The following CNBD1 variants were observed in gnomAD, a reference collection of about 807,000 sequenced individuals.
CNBD1 encodes cyclic nucleotide-binding domain-containing protein 1.
In CNBD1, 71 loss-of-function variants were observed where a neutral mutation model predicts 54.4. That is an observed-to-expected ratio of 1.30 (90% confidence interval 1.08 to 1.59). The LOEUF (loss-of-function observed/expected upper bound fraction) is 1.59, where lower values mean the gene tolerates loss of function less well. Ranked by LOEUF, CNBD1 falls within the 40% of genes most tolerant of loss-of-function variation. CNBD1 has a pLI of 0.00. For synonymous variants in CNBD1, 182 were observed against 170.7 expected, an observed-to-expected ratio of 1.07 and a Z score of -0.51; for missense variants, 659 against 518.0, an observed-to-expected ratio of 1.27 and a Z score of -2.64.
chr8:87,139,791 G>T (rs1278768685), intron 4 of CNBD1, among the ~76,000 whole-genome samples: 1 of 152,190 alleles, frequency 6.6e-6, no homozygotes, highest in African/African-American at 2.4e-5. Context: ...TTGTAAGACA[G>T]CCTCTCCTCT....
At chr8:87,102,663 G>A (rs1040662759) in intron 4 of CNBD1, among the ~76,000 whole-genome samples, 1 of 152,248 alleles carries the variant, frequency 6.6e-6, no homozygotes, top group South Asian at 2.1e-4. Context: ...GCCCAGGCTG[G>A]AGTGCAGTGG....
chr8:86,995,991 G>A (rs1284679710), intron 4 of CNBD1, among the ~76,000 whole-genome samples: 1 of 152,096 alleles, frequency 6.6e-6, no homozygotes, highest in African/African-American at 2.4e-5. Flanking sequence ...ATTAAGACCT[G>A]CCATGATTTC....
At chr8:87,343,877 TC>T (rs1810116950) in intron 8 of CNBD1, among the ~76,000 whole-genome samples, 1 of 152,136 alleles carries the variant, frequency 6.6e-6, no homozygotes, top group Non-Finnish European at 1.5e-5. Context: ...CTGATTTTTT[TC>T]CTAAGAAAAT....
At position 87,342,130 on chromosome 8, in the gene CNBD1, G is replaced by A. The variant is rs144276206; in HGVS notation, c.1043-9555G>A. Among the ~76,000 whole-genome samples, 1,326 of 152,154 alleles carry A rather than the reference G, an allele frequency of 8.7e-3. 8 individuals are homozygous for A. The highest frequency in any genetic ancestry group is 0.03 in the African/African-American group (1,229 of 41,518). ...CTACTAAAAATACAAAAAATTAGCC[G>A]GGCATGGTGGCAGGCATCTGTAGTC... On this transcript the variant is annotated intron_variant, in intron 8 of 10. Transcript: ENST00000518476.
intron 10 of CNBD1, among the ~76,000 whole-genome samples, chr8:87,360,961 C>G (rs1810513602): frequency 6.6e-6 from 1 of 151,872 alleles, no homozygotes; most frequent in Non-Finnish European, 1.5e-5. Flanking sequence ...TATTCAAAAA[C>G]TTCTTCCCAA....
chr8:87,143,125 T>A (rs1017582956), intron 4 of CNBD1, among the ~76,000 whole-genome samples: 1 of 152,160 alleles, frequency 6.6e-6, no homozygotes, highest in Admixed American at 6.5e-5. Context: ...TCATCCTAGC[T>A]CCACTAGAAA....
intron 4 of CNBD1, among the ~76,000 whole-genome samples, chr8:87,115,977 T>TG (rs1811759439): frequency 6.6e-6 from 1 of 152,130 alleles, no homozygotes; most frequent in South Asian, 2.1e-4. Context: ...TCCTAACCTA[T>TG]GAAACTCAAA....
chr8:87,031,938 A>C (rs1251334477), intron 4 of CNBD1, among the ~76,000 whole-genome samples: 1 of 152,038 alleles, frequency 6.6e-6, no homozygotes, highest in Non-Finnish European at 1.5e-5. Context: ...ACAGGGTTTC[A>C]TCATGTTGGC....
rs183286904 is a variant in CNBD1 at position 86,997,057 on chromosome 8, G to T, written c.431+57303G>T. On this transcript the variant is annotated intron_variant, in intron 4 of 10. Coordinates refer to ENST00000518476, the MANE Select transcript of CNBD1 (RefSeq NM_173538.3). The stretch of plus-strand genomic sequence containing the variant: ...CTAATCCCATCATCTTGAAGATTAG[G>T]TTTTAGATTATTTATTTGGAGGGGA... Among the ~76,000 whole-genome samples, 5 of 152,224 alleles carry T rather than the reference G, an allele frequency of 3.3e-5. No homozygotes were observed. In the East Asian group the frequency reaches 5.8e-4, roughly 18 times the overall value.
intron 4 of CNBD1, among the ~76,000 whole-genome samples, chr8:87,029,806 G>C (rs1192379725): frequency 6.6e-6 from 1 of 151,856 alleles, no homozygotes; most frequent in African/African-American, 2.4e-5. Context: ...TAGATTTTTG[G>C]TGTGATTGTC....
intron 4 of CNBD1, among the ~76,000 whole-genome samples, chr8:87,072,093 T>C (rs751331598): frequency 6.6e-6 from 1 of 152,216 alleles, no homozygotes; most frequent in African/African-American, 2.4e-5. Context: ...TTGACATTTA[T>C]TGGTTTGAAA....
In CNBD1 at chr8:87,195,165, G is replaced by A. The variant is rs969421004; in HGVS notation, c.432-10828G>A. On this transcript the variant is annotated intron_variant, in intron 4 of 10. Coordinates refer to ENST00000518476, the MANE Select transcript of CNBD1 (RefSeq NM_173538.3). ...CCCAAAGTCCTGGGATTACAGGCATGAGCCACCATGCCCGGCCCGTTTAGT... is the reference window on the plus strand; with the variant it reads ...CCCAAAGTCCTGGGATTACAGGCATAAGCCACCATGCCCGGCCCGTTTAGT... 3.3e-5 allele frequency among the ~76,000 whole-genome samples: 5 copies of A among 151,306 alleles called. No homozygotes were observed. The East Asian group carries it at 9.8e-4, about 30-fold the overall frequency.
intron 2 of CNBD1, among the ~76,000 whole-genome samples, chr8:87,423,243 T>G (rs1426214492): frequency 6.6e-6 from 1 of 152,040 alleles, no homozygotes; most frequent in Non-Finnish European, 1.5e-5. Flanking sequence ...TGACTTCCTC[T>G]TTTCCTAATT....
downstream of CNBD1, among the ~76,000 whole-genome samples, chr8:87,386,027 CA>C (rs1223993847): frequency 1.3e-5 from 2 of 152,118 alleles, no homozygotes; most frequent in African/African-American, 4.8e-5. Flanking sequence ...GGACCTCCAG[CA>C]AACTCCAACA....
chr8:87,374,365 G>C (rs970929021), intron 10 of CNBD1, among the ~76,000 whole-genome samples: 2 of 151,764 alleles, frequency 1.3e-5, no homozygotes, highest in Non-Finnish European at 2.9e-5. Flanking sequence ...TAAGAAATTT[G>C]ATAAAATTTA....
At chr8:86,868,468 G>A (rs1235259336) in intron 1 of CNBD1, among the ~76,000 whole-genome samples, 9 of 152,000 alleles carry the variant, frequency 5.9e-5, no homozygotes, top group Non-Finnish European at 1.3e-4. Flanking sequence ...TCAGCCTCTT[G>A]AGTAGCTGGG....
chr8:87,009,781 A>G (rs1809177894), intron 4 of CNBD1, among the ~76,000 whole-genome samples: 1 of 152,104 alleles, frequency 6.6e-6, no homozygotes, highest in Non-Finnish European at 1.5e-5. Flanking sequence ...CTGGTGACAA[A>G]TTCTCTTGGC....
chr8:87,400,127 G>A (rs1807527923), intron 2 of CNBD1, among the ~76,000 whole-genome samples: 1 of 151,872 alleles, frequency 6.6e-6, no homozygotes, highest in Non-Finnish European at 1.5e-5. Context: ...TCCTGTCTGA[G>A]CGACTCCCGA....
chr8:87,201,832 G>T (rs1813869504), intron 4 of CNBD1, among the ~76,000 whole-genome samples: 2 of 152,038 alleles, frequency 1.3e-5, no homozygotes, highest in Non-Finnish European at 2.9e-5. Flanking sequence ...CACAATCTTG[G>T]CTCACTGTCT....
Sources: allele counts gnomAD v4.1 joint callset (sites outside exome capture counted in the v4.1 genomes callset), GRCh38; gene constraint gnomAD v4.1.1; transcripts MANE v1.5; gene names NCBI Gene and HGNC (gene_info 2026-07-23, HGNC 2026-07-21).